The following ZBBX variants were observed in gnomAD, a reference collection of about 807,000 sequenced individuals.
ZBBX encodes zinc finger B-box domain containing.
A neutral mutation model predicts 108.5 loss-of-function variants in ZBBX; 101 were observed. The ratio of observed to expected loss-of-function variants is 0.93; its 90% CI spans 0.79 to 1.10. The LOEUF (loss-of-function observed/expected upper bound fraction) is 1.10. ZBBX is among the 50% of genes least tolerant of loss of function. The pLI is 0.00. For missense variants in ZBBX, 1,009 were observed against 941.4 expected (o/e 1.07, Z -0.94); for synonymous variants, 356 against 323.4 (o/e 1.10, Z -1.08).
the ZBBX span, among the ~76,000 whole-genome samples, chr3:167,227,577 T>A: frequency 5.3e-5 from 8 of 151,650 alleles, no homozygotes; most frequent in Non-Finnish European, 7.4e-5. Flanking sequence ...ATAAAAAAAA[T>A]TTTGAAACAT....
intron 18 of ZBBX, among the ~76,000 whole-genome samples, chr3:167,291,398 T>C (rs1445890151): frequency 6.6e-6 from 1 of 151,974 alleles, no homozygotes; most frequent in Non-Finnish European, 1.5e-5. Context: ...TGGGGATCAA[T>C]ATTCACATAC....
chr3:167,274,098 A>G (rs1274975058), intron 20 of ZBBX, among the ~76,000 whole-genome samples: 1 of 152,216 alleles, frequency 6.6e-6, no homozygotes, highest in African/African-American at 2.4e-5. Flanking sequence ...ATTATGATCA[A>G]AACCCAATGT....
chr3:167,292,427 T>G (rs1730862040), intron 18 of ZBBX, among the ~76,000 whole-genome samples: 1 of 152,172 alleles, frequency 6.6e-6, no homozygotes, highest in Admixed American at 6.5e-5. Context: ...ACATGAAAAC[T>G]GAACAACCTG....
the ZBBX span, among the ~76,000 whole-genome samples, chr3:167,212,569 C>A: frequency 3.5e-4 from 53 of 152,336 alleles, no homozygotes; most frequent in African/African-American, 1.2e-3. Flanking sequence ...TGTTACCAGA[C>A]AAGGAACCCC....
the ZBBX span, among the ~76,000 whole-genome samples, chr3:167,198,151 A>C: frequency 6.6e-6 from 1 of 152,206 alleles, no homozygotes; most frequent in East Asian, 1.9e-4. Flanking sequence ...TGAAACCATA[A>C]TAACCTTTCT....
intron 2 of ZBBX, among the ~76,000 whole-genome samples, chr3:167,376,623 G>T (rs531664833): frequency 6.6e-6 from 1 of 152,048 alleles, no homozygotes; most frequent in African/African-American, 2.4e-5. Context: ...AAAAATGAAC[G>T]AACTTCTGTA....
At chr3:167,272,178 G>A (rs936242188) in intron 20 of ZBBX, among the ~76,000 whole-genome samples, 6 of 152,128 alleles carry the variant, frequency 3.9e-5, no homozygotes, top group African/African-American at 1.4e-4. Context: ...CACCTCAGAA[G>A]GATATAGGCC....
intron 18 of ZBBX, among the ~76,000 whole-genome samples, chr3:167,295,654 TACCCAGA>T (rs1731511048): frequency 6.8e-6 from 1 of 146,754 alleles, no homozygotes; most frequent in Admixed American, 6.9e-5. Context: ...TCTGCATATG[TACCCAGA>T]ACTTAAAGTG....
intron 9 of ZBBX, among the ~76,000 whole-genome samples, chr3:167,340,717 G>A (rs970089362): frequency 1.5e-4 from 23 of 151,850 alleles, no homozygotes; most frequent in African/African-American, 5.6e-4. Flanking sequence ...GTTGGGGGGT[G>A]CAGGGGAGTA....
At chr3:167,182,321 G>A in the ZBBX span, among the ~76,000 whole-genome samples, 283 of 152,264 alleles carry the variant, frequency 1.9e-3, 2 homozygotes, top group African/African-American at 6.3e-3. Flanking sequence ...AGGTGGCAGA[G>A]CAACCTGGCA....
intron 1 of ZBBX, among the ~76,000 whole-genome samples, chr3:167,388,721 T>C (rs1208558593): frequency 2.6e-5 from 4 of 152,058 alleles, no homozygotes; most frequent in Non-Finnish European, 4.4e-5. Context: ...CTGTTCTGCC[T>C]TTCTCAACAT....
chr3:167,280,876 T>C (rs1728680601), intron 20 of ZBBX, among the ~76,000 whole-genome samples: 1 of 152,130 alleles, frequency 6.6e-6, no homozygotes, highest in African/African-American at 2.4e-5. Flanking sequence ...AATGATAGAC[T>C]GGATTAAGAA....
the ZBBX span, among the ~76,000 whole-genome samples, chr3:167,180,585 A>C: frequency 1.3e-5 from 2 of 152,232 alleles, no homozygotes; most frequent in African/African-American, 4.8e-5. Flanking sequence ...CCATATAATG[A>C]ATAACATAAC....
At chr3:167,326,968 A>C (rs1373206928) in intron 11 of ZBBX, among the ~76,000 whole-genome samples, 1 of 151,994 alleles carries the variant, frequency 6.6e-6, no homozygotes, top group Non-Finnish European at 1.5e-5. Context: ...ATTATCTAAC[A>C]TTTTATATTA....
chr3:167,237,987 T>C (rs1272236233), downstream of ZBBX, among the ~76,000 whole-genome samples: 2 of 151,958 alleles, frequency 1.3e-5, no homozygotes, highest in Non-Finnish European at 2.9e-5. Context: ...CATATTCCTT[T>C]TATCTGAGAG....
At chr3:167,195,654 T>C in the ZBBX span, among the ~76,000 whole-genome samples, 7 of 152,284 alleles carry the variant, frequency 4.6e-5, no homozygotes, top group African/African-American at 9.6e-5. Context: ...TGGGGATTTC[T>C]TTGAGAACAA....
chr3:167,353,776 CA>C (rs1441778731), intron 8 of ZBBX, among the ~76,000 whole-genome samples: 1 of 151,848 alleles, frequency 6.6e-6, no homozygotes, highest in Non-Finnish European at 1.5e-5. Context: ...GAAGAGATAA[CA>C]AAAGAACATA....
At chr3:167,194,544 G>C in the ZBBX span, among the ~76,000 whole-genome samples, 1 of 152,192 alleles carries the variant, frequency 6.6e-6, no homozygotes, top group Non-Finnish European at 1.5e-5. Flanking sequence ...ATTTGGAAGT[G>C]AGAAGTATGT....
At chr3:167,285,287 A>G (rs992474151) in intron 19 of ZBBX, among the ~76,000 whole-genome samples, 7 of 152,114 alleles carry the variant, frequency 4.6e-5, no homozygotes, top group Admixed American at 2.0e-4. Context: ...TCTAAATATA[A>G]CAATAGAATT....
Sources: allele counts gnomAD v4.1 joint callset (sites outside exome capture counted in the v4.1 genomes callset), GRCh38; gene constraint gnomAD v4.1.1; transcripts MANE v1.5; gene names NCBI Gene and HGNC (gene_info 2026-07-23, HGNC 2026-07-21).